The following PXDNL variants were observed in gnomAD, a reference collection of about 807,000 sequenced individuals.
PXDNL encodes peroxidasin like.
Under a neutral mutation model 150.8 loss-of-function variants are expected in PXDNL, and 145 were observed. That is an observed-to-expected ratio of 0.96 (90% CI 0.84 to 1.10). The LOEUF is 1.10. PXDNL is among the 50% of genes least tolerant of loss of function. PXDNL has a pLI of 0.00. For synonymous variants in PXDNL, 757 were observed against 725.7 expected, an observed-to-expected ratio of 1.04 and a Z score of -0.69; for missense variants, 2,087 against 1,873.9, an observed-to-expected ratio of 1.11 and a Z score of -2.10.
At chr8:51,423,874 AT>A in intron 13 of PXDNL, 143 bp from the exon 14 acceptor site, 1 of 609,156 alleles carries the variant, frequency 1.6e-6, no homozygotes, top group Non-Finnish European at 2.5e-6. Context: ...AGATACATGA[AT>A]CTAGTGGAGA....
rs138520368 is a variant in PXDNL, at chr8:51,715,533, G to A, written c.165-60773C>T. On this transcript the variant is annotated intron_variant, in intron 1 of 22. Transcript: ENST00000356297. Reference sequence around the variant, plus strand: ...TTTACTAGCTAAGTGACTGAGATAAGTGTTAACTTCTCTGATTCTTAGCTT... The same window carrying A: ...TTTACTAGCTAAGTGACTGAGATAAATGTTAACTTCTCTGATTCTTAGCTT... 8.5e-5 allele frequency among the ~76,000 whole-genome samples: 13 copies of A among 152,294 alleles called. No individual in the cohort carries two copies. In the East Asian group the frequency reaches 2.3e-3, roughly 27 times the overall value.
At chr8:51,654,783 A>G in intron 1 of PXDNL, 23 bp from the exon 2 acceptor site, 1 of 1,577,762 alleles carries the variant, frequency 6.3e-7, no homozygotes, top group South Asian at 1.1e-5. Flanking sequence ...AAAGGTGAAG[A>G]ACGATTATAA....
rs748865992 is a variant in PXDNL, at chr8:51,408,860, T to C, written c.2764A>G (p.Thr922Ala). 5 of 1,587,722 alleles carry C rather than the reference T, an allele frequency of 3.1e-6. No individual in the cohort carries two copies. The highest frequency in any genetic ancestry group is 4.3e-6 in the Non-Finnish European group (5 of 1,167,890). Residue 922 changes from threonine to alanine, a missense_variant, in exon 17 of 23, where the codon ACA becomes GCA. Coordinates refer to ENST00000356297, the MANE Select transcript of PXDNL (RefSeq NM_144651.5). ...CCGGAGGGAGGCCAAGGAAAGCCTGTCTTCAGGAGACCCCGAGGCACCGAA... is the reference window on the plus strand; with the variant it reads ...CCGGAGGGAGGCCAAGGAAAGCCTGCCTTCAGGAGACCCCGAGGCACCGAA... The part of the protein sequence containing the change: ...DPSVPRGLLK[T>A]GFPWPPSGKP...
chr8:51,445,164 C>T (rs1430519104), intron 12 of PXDNL, among the ~76,000 whole-genome samples: 1 of 152,176 alleles, frequency 6.6e-6, no homozygotes, highest in East Asian at 1.9e-4. Flanking sequence ...AGGTGATCCA[C>T]TAGCCTCAGC....
At chr8:51,626,039 A>G (rs773504697) in intron 2 of PXDNL, among the ~76,000 whole-genome samples, 5 of 152,262 alleles carry the variant, frequency 3.3e-5, no homozygotes, top group African/African-American at 4.8e-5. Context: ...CTAAAGATGC[A>G]ACAAAAAATG....
At chr8:51,664,696 C>G (rs1815343859) in intron 1 of PXDNL, among the ~76,000 whole-genome samples, 1 of 152,132 alleles carries the variant, frequency 6.6e-6, no homozygotes, top group Non-Finnish European at 1.5e-5. Context: ...CACATCCTCC[C>G]AGCCTGGTTC....
chr8:51,534,251 C>T lies in PXDNL; in HGVS notation c.380+22589G>A, dbSNP rs532693462. ...AGTAAGGAAACCCTCCGCCTGGCAA[C>T]CGCCCCGTCTGAGAAGTGAGGAGCC... is the stretch of plus-strand genomic sequence containing the variant. On this transcript the variant is annotated intron_variant, in intron 4 of 22. Transcript: ENST00000356297. Among the ~76,000 whole-genome samples, 198 of 138,852 alleles carry T rather than the reference C, an allele frequency of 1.4e-3. 6 individuals carry two copies. Among genetic ancestry groups the T allele is most frequent in the Non-Finnish European group, 2.6e-3 (172 of 67,038 alleles). 91.1% of individuals were successfully genotyped at this position (138,852 alleles called of 152,430 possible).
At chr8:51,606,363 G>A (rs572028340) in intron 2 of PXDNL, among the ~76,000 whole-genome samples, 5 of 152,132 alleles carry the variant, frequency 3.3e-5, no homozygotes, top group African/African-American at 7.2e-5. Context: ...ATTTGTGCCC[G>A]CCAGCAGTGG....
At chr8:51,622,246 C>T (rs1814274667) in intron 2 of PXDNL, among the ~76,000 whole-genome samples, 1 of 152,106 alleles carries the variant, frequency 6.6e-6, no homozygotes. Flanking sequence ...GAACTGAACC[C>T]TGCCTGAGTG....
At chr8:51,800,124 G>T (rs548325202) in intron 1 of PXDNL, among the ~76,000 whole-genome samples, 4 of 152,214 alleles carry the variant, frequency 2.6e-5, no homozygotes, top group African/African-American at 9.6e-5. Flanking sequence ...GTTAAACACA[G>T]AGTGGTCCAC....
At chr8:51,551,921 T>C (rs553816701) in intron 4 of PXDNL, among the ~76,000 whole-genome samples, 10 of 152,252 alleles carry the variant, frequency 6.6e-5, no homozygotes, top group African/African-American at 2.4e-4. Flanking sequence ...TTGCAAACTA[T>C]GCAGCTGACA....
At chr8:51,677,376 GT>G (rs1339603152) in intron 1 of PXDNL, among the ~76,000 whole-genome samples, 3 of 152,184 alleles carry the variant, frequency 2.0e-5, no homozygotes, top group African/African-American at 7.2e-5. Flanking sequence ...CGTCTACTCC[GT>G]TCAGGAGAAG....
intron 6 of PXDNL, among the ~76,000 whole-genome samples, chr8:51,480,516 T>G (rs1810577349): frequency 6.6e-6 from 1 of 152,004 alleles, no homozygotes; most frequent in Non-Finnish European, 1.5e-5. Flanking sequence ...CCCATGAACC[T>G]CCCATCACGC....
rs534002361 is a variant in PXDNL, at chr8:51,784,250, T to C, written c.164+24931A>G. ...AAGACATTTCAATAAGACATCACTT[T>C]TATATTTGTTAATGTGTGAAAGATC... On this transcript the variant is annotated intron_variant, in intron 1 of 22. Coordinates refer to ENST00000356297, the MANE Select transcript of PXDNL (RefSeq NM_144651.5). Among the ~76,000 whole-genome samples the C allele has an allele frequency of 6.5e-4, 99 of 152,356 alleles. 1 individual carries two copies. The highest frequency in any genetic ancestry group is 2.5e-3 in the Admixed American group (38 of 15,306).
intron 4 of PXDNL, among the ~76,000 whole-genome samples, chr8:51,521,955 TCAGA>T (rs1282168849): frequency 1.3e-5 from 2 of 152,088 alleles, no homozygotes; most frequent in Non-Finnish European, 2.9e-5. Context: ...ATAGACTTTC[TCAGA>T]CAAACAAAAA....
At chr8:51,629,458 G>A (rs1203432359) in intron 2 of PXDNL, among the ~76,000 whole-genome samples, 1 of 151,932 alleles carries the variant, frequency 6.6e-6, no homozygotes, top group African/African-American at 2.4e-5. Flanking sequence ...ACACATAAAT[G>A]AGAAATCCCA....
At chr8:51,373,711 G>C (rs1282099833) in intron 18 of PXDNL, among the ~76,000 whole-genome samples, 3 of 152,170 alleles carry the variant, frequency 2.0e-5, no homozygotes, top group Non-Finnish European at 4.4e-5. Context: ...TCTGGGCTTT[G>C]TTTCAAGTCT....
intron 3 of PXDNL, among the ~76,000 whole-genome samples, chr8:51,564,978 T>A (rs531109511): frequency 1.3e-5 from 2 of 151,906 alleles, no homozygotes; most frequent in South Asian, 4.1e-4. Flanking sequence ...TGTTTCCACA[T>A]TTCATTAGCT....
intron 1 of PXDNL, among the ~76,000 whole-genome samples, chr8:51,691,412 T>C (rs1815994250): frequency 6.6e-6 from 1 of 152,218 alleles, no homozygotes; most frequent in South Asian, 2.1e-4. Flanking sequence ...CCCAGCACCA[T>C]TTATTAAATA....
Sources: gnomAD v4.1 joint callset for allele counts (sites outside exome capture counted in the v4.1 genomes callset) on GRCh38, gnomAD v4.1.1 for gene constraint, MANE v1.5 for transcripts, NCBI Gene and HGNC (gene_info 2026-07-23, HGNC 2026-07-21) for gene names.